The following DCDC1 variants were observed in gnomAD, a reference collection of about 807,000 sequenced individuals.
The protein encoded by DCDC1 is doublecortin domain containing 1, also known as doublecortin domain-containing protein 1.
A neutral mutation model predicts 178.3 loss-of-function variants in DCDC1; 200 were observed. That is an observed-to-expected ratio of 1.12 (90% CI 1.00 to 1.26). DCDC1 has a LOEUF of 1.26. DCDC1 is among the 50% of genes most tolerant of loss of function. DCDC1 has a pLI of 0.00. For synonymous variants in DCDC1, 690 were observed against 604.8 expected (o/e 1.14, Z -2.07); for missense variants, 1,983 against 1,749.2 (o/e 1.13, Z -2.38).
At chr11:31,194,632 C>G (rs902619957) in intron 9 of DCDC1, among the ~76,000 whole-genome samples, 3 of 151,936 alleles carry the variant, frequency 2.0e-5, no homozygotes, top group Non-Finnish European at 4.4e-5. Flanking sequence ...TTTAATGGCT[C>G]CACAATTTCG....
intron 11 of DCDC1, among the ~76,000 whole-genome samples, chr11:31,122,550 A>G (rs1480922704): frequency 6.6e-6 from 1 of 152,118 alleles, no homozygotes; most frequent in Non-Finnish European, 1.5e-5. Flanking sequence ...ATAATAAAAT[A>G]TCTAATACTT....
At chr11:31,290,259 T>C (rs1947127361) in intron 7 of DCDC1, among the ~76,000 whole-genome samples, 1 of 152,032 alleles carries the variant, frequency 6.6e-6, no homozygotes, top group Non-Finnish European at 1.5e-5. Context: ...TTTTAGGTCT[T>C]ACCACTATTC....
At position 30,906,582 on chromosome 11, in the gene DCDC1, C is replaced by T. The variant is rs779610492; in HGVS notation, c.4062G>A (p.Lys1354=). 39 of 1,613,140 alleles carry T rather than the reference C, an allele frequency of 2.4e-5. No individual in the cohort carries two copies. The highest frequency in any genetic ancestry group is 3.1e-5 in the Non-Finnish European group (37 of 1,179,594). Residue 1354 remains lysine (K), a synonymous_variant, in exon 30 of 39, where the codon AAG becomes AAA. Coordinates refer to ENST00000684477, the MANE Select transcript of DCDC1 (RefSeq NM_001387274.1). The stretch of plus-strand genomic sequence containing the variant: ...CCTTGAAGGGCCCTTGTAAGAAGGG[C>T]TTCTGAGTCTTGGTGCCTGAAATAC... The part of the protein sequence containing the change: ...FLCISGTKTQ[K]PFLQGPFKVI...
intron 9 of DCDC1, among the ~76,000 whole-genome samples, chr11:31,213,100 C>CTCTCTCTCTCTCTCT (rs1972851664): frequency 6.8e-5 from 3 of 44,274 alleles, no homozygotes; most frequent in African/African-American, 8.4e-5. Flanking sequence ...TAAAGCCCAG[C>CTCTCTCTCTCTCTCT]CTCTCTCTCT....
In DCDC1 at chr11:31,157,388, CAT is replaced by C. The variant is rs1565362015; in HGVS notation, c.1222-19606_1222-19605del. Among the ~76,000 whole-genome samples the C allele has an allele frequency of 9.5e-4, 96 of 100,762 alleles. 1 individual carries two copies. The Middle Eastern group carries it at 0.017, about 18-fold the overall frequency. 66.1% of individuals were successfully genotyped at this position (100,762 alleles called of 152,430 possible). A position where few individuals can be genotyped will look rare whatever the true frequency, so the allele number is the denominator to read the frequency against. ...AAAAAAAAAAATATATATATATATACATATATATACACACACACACACATATA... is the reference window on the plus strand; with the variant it reads ...AAAAAAAAAAATATATATATATATACATATATACACACACACACACATATA... On this transcript the variant is annotated intron_variant, in intron 9 of 38. Transcript: ENST00000684477.
At chr11:31,060,039 C>A (rs896680165) in intron 20 of DCDC1, among the ~76,000 whole-genome samples, 1 of 151,852 alleles carries the variant, frequency 6.6e-6, no homozygotes, top group African/African-American at 2.4e-5. Context: ...GAGAAAAGAA[C>A]CTTGAATAAA....
chr11:31,274,518 G>A (rs1378110511), intron 7 of DCDC1, among the ~76,000 whole-genome samples: 2 of 151,768 alleles, frequency 1.3e-5, no homozygotes, highest in Non-Finnish European at 2.9e-5. Flanking sequence ...TATTGAGAGT[G>A]GGGAACTATT....
At chr11:31,166,967 C>T (rs1227648715) in intron 9 of DCDC1, among the ~76,000 whole-genome samples, 3 of 152,064 alleles carry the variant, frequency 2.0e-5, no homozygotes, top group African/African-American at 2.4e-5. Context: ...CTTGGTACCC[C>T]GAACTAATGC....
chr11:31,266,418 G>A (rs1945161778), intron 7 of DCDC1, among the ~76,000 whole-genome samples: 1 of 152,168 alleles, frequency 6.6e-6, no homozygotes, highest in South Asian at 2.1e-4. Flanking sequence ...AACAGAAGGG[G>A]TTTGAGGAGT....
intron 6 of DCDC1, among the ~76,000 whole-genome samples, chr11:31,302,066 G>A (rs1018318748): frequency 6.6e-6 from 1 of 152,096 alleles, no homozygotes; most frequent in African/African-American, 2.4e-5. Context: ...CCCAGTAATA[G>A]AATAGGATAT....
intron 17 of DCDC1, among the ~76,000 whole-genome samples, chr11:31,088,860 C>A (rs559578255): frequency 6.6e-6 from 1 of 152,192 alleles, no homozygotes; most frequent in South Asian, 2.1e-4. Context: ...TTCACTGAAC[C>A]TGACTAATTT....
At chr11:31,354,988 G>A (rs1187589794) in intron 1 of DCDC1, among the ~76,000 whole-genome samples, 1 of 150,652 alleles carries the variant, frequency 6.6e-6, no homozygotes, top group East Asian at 2.0e-4. Context: ...CAACTAAGTG[G>A]TGTTGCACTG....
intron 20 of DCDC1, among the ~76,000 whole-genome samples, chr11:31,020,119 C>T (rs973566599): frequency 6.6e-6 from 1 of 152,186 alleles, no homozygotes; most frequent in Non-Finnish European, 1.5e-5. Flanking sequence ...ACTGGAGCCA[C>T]AGCACTAATA....
chr11:30,993,891 AT>A (rs1322569829), intron 20 of DCDC1, among the ~76,000 whole-genome samples: 1 of 152,142 alleles, frequency 6.6e-6, no homozygotes, highest in Non-Finnish European at 1.5e-5. Context: ...AATAATACCA[AT>A]GCTATATAGT....
intron 1 of DCDC1, among the ~76,000 whole-genome samples, chr11:31,360,078 G>A (rs1240925911): frequency 6.6e-6 from 1 of 152,192 alleles, no homozygotes; most frequent in African/African-American, 2.4e-5. Context: ...ATTTAGGTCT[G>A]CCTCCTGAAT....
At chr11:31,138,120 T>C (rs1356143647) in intron 9 of DCDC1, among the ~76,000 whole-genome samples, 2 of 152,206 alleles carry the variant, frequency 1.3e-5, no homozygotes, top group Non-Finnish European at 2.9e-5. Context: ...AGGTTAATAT[T>C]TCTATTAAAT....
At chr11:30,955,374 G>T (rs902582380) in intron 20 of DCDC1, among the ~76,000 whole-genome samples, 1 of 152,096 alleles carries the variant, frequency 6.6e-6, no homozygotes, top group Non-Finnish European at 1.5e-5. Context: ...ATTTATTGAA[G>T]AGTTTACTAT....
intron 38 of DCDC1, among the ~76,000 whole-genome samples, chr11:30,866,208 C>G (rs1940961309): frequency 6.6e-6 from 1 of 152,168 alleles, no homozygotes; most frequent in South Asian, 2.1e-4. Context: ...AGATTGCCAG[C>G]TTTTCTTAGT....
rs1958661853 is a variant in DCDC1, at chr11:31,103,753, C to T, written c.1768G>A (p.Ala590Thr). ...ACTCGGTCAAAGGTCAAACCCAAAG[C>T]AAGATTTAGTGGAGATCTGAAAAAC... ...GRAYRSPLNL[A>T]LGLTFDRVSA... Residue 590 changes from alanine (A) to threonine (T), a missense_variant, in exon 14 of 39, where the codon GCT becomes ACT. Physicochemically the swap from Ala to Thr is moderately conservative, Grantham distance 58. Coordinates refer to ENST00000684477, the MANE Select transcript of DCDC1 (RefSeq NM_001387274.1). 5.2e-6 allele frequency: 4 copies of T among 764,422 alleles called. No individual in the cohort carries two copies. Among genetic ancestry groups the T allele is most frequent in the Non-Finnish European group, 7.2e-6 (3 of 417,298 alleles). The allele number at this position is 764,422 out of a possible 1,614,324, so 47.4% of individuals were successfully genotyped here.
Sources: allele counts gnomAD v4.1 joint callset (sites outside exome capture counted in the v4.1 genomes callset), GRCh38; gene constraint gnomAD v4.1.1; transcripts MANE v1.5; gene names NCBI Gene and HGNC (gene_info 2026-07-23, HGNC 2026-07-21).